The following ANKRD36C variants were observed in gnomAD, a reference collection of about 807,000 sequenced individuals.
ANKRD36C encodes ankyrin repeat domain 36C, also known as ankyrin repeat domain-containing protein 36C.
Under a neutral mutation model 276.4 loss-of-function variants are expected in ANKRD36C, and 61 were observed. The observed-to-expected ratio is 0.22, with a 90% CI of 0.18 to 0.27. ANKRD36C has a LOEUF of 0.27. ANKRD36C is among the 10% of genes least tolerant of loss of function. ANKRD36C has a pLI of 1.00. For missense variants in ANKRD36C, 1,447 were observed against 2,032.3 expected (o/e 0.71, Z 5.54); for synonymous variants, 483 against 680.1 (o/e 0.71, Z 4.51).
intron 42 of ANKRD36C, among the ~76,000 whole-genome samples, chr2:95,909,078 C>A (rs1000407255): frequency 6.6e-6 from 1 of 150,378 alleles, no homozygotes; most frequent in Non-Finnish European, 1.5e-5. Context: ...TTTCATGCAA[C>A]AAATTAAAAG....
chr2:95,966,702 A>C (rs1012726283), intron 6 of ANKRD36C, among the ~76,000 whole-genome samples: 3 of 152,190 alleles, frequency 2.0e-5, no homozygotes, highest in African/African-American at 7.2e-5. Context: ...TCTGTGAAGA[A>C]AGTCAATGGT....
intron 40 of ANKRD36C, 96 bp downstream of exon 42, chr2:95,914,012 G>T: frequency 8.1e-7 from 1 of 1,241,794 alleles, no homozygotes; most frequent in Non-Finnish European, 1.1e-6. Context: ...GTATCAGAAT[G>T]TGCAGCTTCA....
intron 60 of ANKRD36C, among the ~76,000 whole-genome samples, chr2:95,861,613 C>G (rs1372285848): frequency 1.3e-5 from 2 of 150,654 alleles, no homozygotes; most frequent in Non-Finnish European, 3.0e-5. Flanking sequence ...GCTAATAAAC[C>G]CAAAAATATA....
At chr2:95,916,368 C>T (rs1326716699) in intron 36 of ANKRD36C, among the ~76,000 whole-genome samples, 197 bp from the exon 39 acceptor site, 2 of 151,428 alleles carry the variant, frequency 1.3e-5, no homozygotes, top group African/African-American at 2.4e-5. Flanking sequence ...ATGAAATATA[C>T]CCTTACAATT....
chr2:95,989,498 T>A, intron 1 of ANKRD36C, among the ~76,000 whole-genome samples: 1 of 152,026 alleles, frequency 6.6e-6, no homozygotes, highest in Non-Finnish European at 1.5e-5. Flanking sequence ...TACTGACATC[T>A]GCAAAGGTCC....
At chr2:95,960,450 T>G in intron 10 of ANKRD36C, 23 bp downstream of exon 10, 1 of 1,540,384 alleles carries the variant, frequency 6.5e-7, no homozygotes, top group Non-Finnish European at 8.7e-7. Context: ...GAACGTGGCA[T>G]TAAATGTGTA....
At chr2:95,874,164 A>G (rs1329810632) in intron 59 of ANKRD36C, among the ~76,000 whole-genome samples, 3 of 152,184 alleles carry the variant, frequency 2.0e-5, no homozygotes, top group African/African-American at 4.8e-5. Context: ...TCTTCACTGA[A>G]TTGGAAAAAA....
At chr2:95,953,131 A>G (rs12999236) in intron 14 of ANKRD36C, among the ~76,000 whole-genome samples, 21 of 152,292 alleles carry the variant, frequency 1.4e-4, no homozygotes, top group South Asian at 4.1e-4. Context: ...TTTTCAATTA[A>G]ATAAAGAGTT....
intron 8 of ANKRD36C, among the ~76,000 whole-genome samples, chr2:95,961,376 T>C (rs902563539): frequency 1.3e-5 from 2 of 152,024 alleles, no homozygotes; most frequent in Non-Finnish European, 2.9e-5. Flanking sequence ...TAATAAACCA[T>C]CAAATTTAGC....
At chr2:95,912,570 C>T in intron 40 of ANKRD36C, 135 bp from the exon 43 acceptor site, 1 of 1,523,864 alleles carries the variant, frequency 6.6e-7, no homozygotes. Context: ...TATTTTGTGT[C>T]TGGGGACCAG....
chr2:95,915,942 G>A, intron 38 of ANKRD36C, 38 bp downstream of exon 40: 1 of 1,537,690 alleles, frequency 6.5e-7, no homozygotes, highest in East Asian at 2.5e-5. Flanking sequence ...CTTCTTATCT[G>A]GACTGAACAT....
chr2:95,864,081 C>T (rs986681915), intron 60 of ANKRD36C, among the ~76,000 whole-genome samples: 2 of 151,446 alleles, frequency 1.3e-5, no homozygotes, highest in Non-Finnish European at 2.9e-5. Flanking sequence ...TGGGGGTATA[C>T]AAAAAAATAT....
At chr2:95,980,843 A>G (rs1268572058) in intron 4 of ANKRD36C, 58 bp from the exon 5 acceptor site, 23 of 1,530,074 alleles carry the variant, frequency 1.5e-5, no homozygotes, top group Non-Finnish European at 2.0e-5. Flanking sequence ...CTTAGTTTAT[A>G]TACTTTATCA....
chr2:95,910,254 T>C (rs568223799), intron 42 of ANKRD36C, 119 bp downstream of exon 46: 42 of 1,190,966 alleles, frequency 3.5e-5, no homozygotes, highest in African/African-American at 3.3e-4. Flanking sequence ...AAATGAAGAA[T>C]CTCCGGCCTG....
Position 95,923,488 on chromosome 2 carries a change from A to G in ANKRD36C, c.2143+7T>C. 2 of 1,610,514 alleles carry G rather than the reference A, an allele frequency of 1.2e-6. No homozygotes were observed. Among genetic ancestry groups the G allele is most frequent in the Non-Finnish European group, 1.7e-6 (2 of 1,177,828 alleles). Reference sequence around the variant, plus strand: ...AACATGACATTTAATGTGTTTTGCAAAATTACCTGTCCCACATTGTAGTCC... The same window carrying G: ...AACATGACATTTAATGTGTTTTGCAGAATTACCTGTCCCACATTGTAGTCC... On this transcript the variant is annotated splice_region_variant and intron_variant, in intron 32 of 66. Coordinates refer to ENST00000456556, the Ensembl canonical transcript of ANKRD36C.
At chr2:95,894,575 G>C (rs956127304) in intron 44 of ANKRD36C, among the ~76,000 whole-genome samples, 32 of 151,250 alleles carry the variant, frequency 2.1e-4, no homozygotes, top group African/African-American at 7.8e-4. Context: ...CTCTAAAAGA[G>C]CCTTGTTGGG....
chr2:95,982,819 C>T, intron 3 of ANKRD36C, among the ~76,000 whole-genome samples: 1 of 117,976 alleles, frequency 8.5e-6, no homozygotes, highest in African/African-American at 3.3e-5. Flanking sequence ...TAATATATTC[C>T]AAAGGATATT....
intron 5 of ANKRD36C, among the ~76,000 whole-genome samples, chr2:95,980,291 A>C (rs1678891048): frequency 6.6e-6 from 1 of 152,104 alleles, no homozygotes; most frequent in Non-Finnish European, 1.5e-5. Flanking sequence ...TTTTTGATAA[A>C]CTGGACATTT....
At chr2:95,859,436 T>C (rs1225682960) in intron 61 of ANKRD36C, among the ~76,000 whole-genome samples, 4 of 152,152 alleles carry the variant, frequency 2.6e-5, no homozygotes, top group African/African-American at 7.2e-5. Flanking sequence ...AATTTAGAAA[T>C]ATTGATCAAA....
Sources: gnomAD v4.1 joint callset for allele counts (sites outside exome capture counted in the v4.1 genomes callset) on GRCh38, gnomAD v4.1.1 for gene constraint, MANE v1.5 for transcripts, NCBI Gene and HGNC (gene_info 2026-07-23, HGNC 2026-07-21) for gene names.